PDE4D: variants seen among roughly 807,000 people sequenced by gnomAD.
The protein encoded by PDE4D is 3',5'-cyclic-AMP phosphodiesterase 4D.
In PDE4D, 24 loss-of-function variants were observed where a neutral mutation model predicts 87.4. The observed-to-expected ratio is 0.27, with a 90% CI of 0.20 to 0.39. PDE4D has a LOEUF of 0.39. Among genes scored for constraint, PDE4D ranks in the 10% least tolerant of loss-of-function variants. The probability of loss-of-function intolerance (pLI) is 1.00; values close to 1 mark genes in which losing one functional copy is unlikely to be tolerated. For missense variants in PDE4D, 714 were observed against 1,041.0 expected (o/e 0.69, Z 4.32); for synonymous variants, 384 against 383.2 (o/e 1.00, Z -0.02).
At chr5:60,115,558 A>G (rs551820774) in intron 2 of PDE4D, among the ~76,000 whole-genome samples, 61 of 152,268 alleles carry the variant, frequency 4.0e-4, no homozygotes, top group African/African-American at 1.4e-3. Flanking sequence ...CTTTCACAAT[A>G]TAATGCTATA....
At chr5:60,213,759 C>T (rs1743526334) in intron 1 of PDE4D, among the ~76,000 whole-genome samples, 1 of 152,170 alleles carries the variant, frequency 6.6e-6, no homozygotes, top group African/African-American at 2.4e-5. Context: ...ATGCCTCTGT[C>T]ATTGGCACCT....
At chr5:60,102,707 G>T (rs1435344276) in intron 2 of PDE4D, among the ~76,000 whole-genome samples, 2 of 152,086 alleles carry the variant, frequency 1.3e-5, no homozygotes, top group African/African-American at 4.8e-5. Context: ...ACAGATAAAA[G>T]ACTTTCTTCA....
At chr5:59,962,884 T>C (rs1260776226) in intron 3 of PDE4D, among the ~76,000 whole-genome samples, 2 of 152,192 alleles carry the variant, frequency 1.3e-5, no homozygotes, top group Non-Finnish European at 2.9e-5. Flanking sequence ...TGTATTATAT[T>C]AGTAATTGTT....
At chr5:59,002,698 A>G (rs1750782488) in intron 6 of PDE4D, among the ~76,000 whole-genome samples, 1 of 152,200 alleles carries the variant, frequency 6.6e-6, no homozygotes, top group South Asian at 2.1e-4. Context: ...TTCAGCTTTC[A>G]GATAGCTACC....
intron 1 of PDE4D, among the ~76,000 whole-genome samples, chr5:59,591,381 A>G (rs573074469): frequency 2.0e-5 from 3 of 152,246 alleles, no homozygotes; most frequent in African/African-American, 7.2e-5. Flanking sequence ...GAGGTTGGGT[A>G]TTTCCTAGAC....
chr5:60,267,792 T>G (rs923925890), intron 1 of PDE4D, among the ~76,000 whole-genome samples: 1 of 152,152 alleles, frequency 6.6e-6, no homozygotes, highest in Admixed American at 6.5e-5. Flanking sequence ...TGTTTCCAGA[T>G]CTGTGTTTGC....
At chr5:60,352,306 CTT>C (rs1759272318) in intron 1 of PDE4D, among the ~76,000 whole-genome samples, 1 of 152,144 alleles carries the variant, frequency 6.6e-6, no homozygotes, top group African/African-American at 2.4e-5. Flanking sequence ...GCATTTCTCT[CTT>C]CTCTCTGGAG....
At chr5:59,297,612 A>T (rs75043466) in intron 1 of PDE4D, among the ~76,000 whole-genome samples, 3,986 of 152,234 alleles carry the variant, frequency 0.026, 179 homozygotes, top group African/African-American at 0.091. Flanking sequence ...AGTTTCAGTG[A>T]GTGCAAAATT....
intron 1 of PDE4D, among the ~76,000 whole-genome samples, chr5:59,401,478 A>ATCTATCTATCTGTCTG (rs1554161243): frequency 4.1e-4 from 62 of 150,988 alleles, no homozygotes; most frequent in African/African-American, 1.2e-3. Flanking sequence ...CTATCTATCT[A>ATCTATCTATCTGTCTG]TCTATCTATT....
chr5:59,478,892 T>C (rs928650179), intron 1 of PDE4D, among the ~76,000 whole-genome samples: 6 of 123,182 alleles, frequency 4.9e-5, no homozygotes, highest in Admixed American at 7.6e-5. Flanking sequence ...CAATGAATTC[T>C]TCATAAAATT....
At chr5:59,918,758 AG>A (rs1754351740) in intron 3 of PDE4D, among the ~76,000 whole-genome samples, 1 of 152,120 alleles carries the variant, frequency 6.6e-6, no homozygotes, top group African/African-American at 2.4e-5. Context: ...TGCGGCTGCA[AG>A]GAAATTAATT....
At chr5:59,710,188 T>C (rs1754008138) in intron 1 of PDE4D, among the ~76,000 whole-genome samples, 1 of 152,114 alleles carries the variant, frequency 6.6e-6, no homozygotes, top group Admixed American at 6.6e-5. Flanking sequence ...GAGTCAGGGA[T>C]GAAACAGGAA....
intron 1 of PDE4D, among the ~76,000 whole-genome samples, chr5:59,667,123 T>A (rs1260945554): frequency 3.9e-5 from 6 of 152,166 alleles, no homozygotes; most frequent in Admixed American, 3.9e-4. Flanking sequence ...ATTATTAATG[T>A]CTAACTCAAA....
intron 1 of PDE4D, among the ~76,000 whole-genome samples, chr5:60,200,499 T>C (rs935067432): frequency 2.0e-5 from 3 of 151,998 alleles, no homozygotes; most frequent in Non-Finnish European, 4.4e-5. Context: ...ATGGGAACAA[T>C]GGCTCTACAG....
intron 1 of PDE4D, among the ~76,000 whole-genome samples, chr5:59,353,122 T>C (rs1055112325): frequency 6.6e-6 from 1 of 152,186 alleles, no homozygotes; most frequent in Non-Finnish European, 1.5e-5. Flanking sequence ...ACCCCAAACT[T>C]GTCACATAAA....
At chr5:59,560,973 G>A (rs935075565) in intron 1 of PDE4D, 2 of 152,206 alleles carry the variant, frequency 1.3e-5, no homozygotes, top group Non-Finnish European at 2.9e-5. Context: ...AGAACACTAA[G>A]TTCCTCACTT....
chr5:59,214,093 C>T (rs1750721785), intron 2 of PDE4D, among the ~76,000 whole-genome samples: 1 of 150,902 alleles, frequency 6.6e-6, no homozygotes, highest in South Asian at 2.1e-4. Context: ...TTCTATAAGC[C>T]TCTTGCATCT....
At chr5:60,046,275 A>C (rs9764542) in intron 2 of PDE4D, among the ~76,000 whole-genome samples, 3 of 151,440 alleles carry the variant, frequency 2.0e-5, no homozygotes, top group African/African-American at 4.9e-5. Context: ...GGCTGAGACA[A>C]TGGGGTTTTC....
intron 1 of PDE4D, among the ~76,000 whole-genome samples, chr5:59,363,555 G>A (rs1466270296): frequency 6.6e-6 from 1 of 152,058 alleles, no homozygotes; most frequent in African/African-American, 2.4e-5. Flanking sequence ...AACTTTCACA[G>A]GAAAAACAAT....
Sources: allele counts gnomAD v4.1 joint callset (sites outside exome capture counted in the v4.1 genomes callset), GRCh38; gene constraint gnomAD v4.1.1; transcripts MANE v1.5; gene names NCBI Gene and HGNC (gene_info 2026-07-23, HGNC 2026-07-21).